The following JAK1 variants were observed in gnomAD, a reference collection of about 807,000 sequenced individuals.
JAK1 encodes the protein tyrosine-protein kinase JAK1.
In JAK1, 16 loss-of-function variants were observed where a neutral mutation model predicts 136.6. The observed-to-expected ratio is 0.12, with a 90% CI of 0.08 to 0.18. JAK1 has a LOEUF of 0.18. Among genes scored for constraint, JAK1 ranks in the 10% least tolerant of loss-of-function variants. JAK1 has a pLI of 1.00. For missense variants in JAK1, 859 were observed against 1,450.1 expected (o/e 0.59, Z 6.62); for synonymous variants, 492 against 519.5 (o/e 0.95, Z 0.72).
intron 2 of JAK1, among the ~76,000 whole-genome samples, chr1:64,988,016 C>T (rs1205528109): frequency 6.6e-6 from 1 of 152,090 alleles, no homozygotes; most frequent in Non-Finnish European, 1.5e-5. Flanking sequence ...TATTGTGTAC[C>T]TCATACTTTT....
At chr1:65,049,496 A>T (rs546178234) in intron 1 of JAK1, among the ~76,000 whole-genome samples, 1 of 152,232 alleles carries the variant, frequency 6.6e-6, no homozygotes, top group African/African-American at 2.4e-5. Flanking sequence ...TTCTTCACGA[A>T]CTTCAAAAGA....
intron 2 of JAK1, among the ~76,000 whole-genome samples, chr1:64,989,031 A>ATATATAT (rs1646630283): frequency 1.8e-5 from 2 of 109,430 alleles, no homozygotes; most frequent in Non-Finnish European, 4.4e-5. Context: ...TATATATATA[A>ATATATAT]AATACAGAGA....
chr1:64,958,759 A>C (rs1226494797), intron 1 of JAK1, among the ~76,000 whole-genome samples: 44 of 152,356 alleles, frequency 2.9e-4, no homozygotes, highest in Non-Finnish European at 1.0e-4. Flanking sequence ...CCTTACTACA[A>C]CCTGATCAAA....
At chr1:65,064,947 CA>C (rs1647975079) in intron 1 of JAK1, among the ~76,000 whole-genome samples, 2 of 152,238 alleles carry the variant, frequency 1.3e-5, no homozygotes, top group African/African-American at 4.8e-5. Flanking sequence ...TCTAGGTACC[CA>C]ACTCTAGAGG....
chr1:64,845,621 A>G lies in JAK1; in HGVS notation c.2007T>C (p.Phe669=). ...RDVENIMVEE[F]VEGGPLDLFM... ...AGAGATCCAGAGGACCCCCTTCCAC[A>G]AACTCTTCCACCATGATATCTGTAG... Residue 669 remains phenylalanine, a synonymous_variant, in exon 15 of 25, where the codon TTT becomes TTC. Coordinates refer to ENST00000342505, the MANE Select transcript of JAK1 (RefSeq NM_002227.4). 1 of 1,614,184 alleles carries G rather than the reference A, an allele frequency of 6.2e-7. No homozygotes were observed.
At chr1:64,957,575 C>T (rs1315345008) in intron 1 of JAK1, among the ~76,000 whole-genome samples, 2 of 152,210 alleles carry the variant, frequency 1.3e-5, no homozygotes, top group African/African-American at 4.8e-5. Flanking sequence ...CTTTGGGAGG[C>T]TGAGGCAGGC....
intron 2 of JAK1, among the ~76,000 whole-genome samples, chr1:65,012,316 T>C (rs1299024902): frequency 6.6e-6 from 1 of 151,846 alleles, no homozygotes; most frequent in East Asian, 1.9e-4. Context: ...TAAGCAAAGA[T>C]ACCAACAGAA....
intron 2 of JAK1, among the ~76,000 whole-genome samples, chr1:65,034,929 G>A (rs917674459): frequency 3.3e-5 from 5 of 152,114 alleles, no homozygotes; most frequent in East Asian, 1.9e-4. Context: ...GGCGGTGTGC[G>A]CCTGTAATCC....
intron 11 of JAK1, among the ~76,000 whole-genome samples, chr1:64,851,585 G>T (rs1051008860): frequency 3.9e-5 from 6 of 152,154 alleles, no homozygotes; most frequent in African/African-American, 1.4e-4. Context: ...GGTTTAAGTA[G>T]ACTATCCCCC....
Position 64,841,313 on chromosome 1 carries a change from G to GT in JAK1, c.2580dup (p.Pro861ThrfsTer4), listed in dbSNP as rs1654890259. Reference sequence around the variant, plus strand: ...TGTGTGGGGTCCACTTCAGTTGCTGGTTTTTTTTCTGAAACAATATCTGGA... The same window carrying GT: ...TGTGTGGGGTCCACTTCAGTTGCTGGTTTTTTTTTCTGAAACAATATCTGGA... On this transcript the variant is annotated frameshift_variant, in exon 19 of 25. Coordinates refer to ENST00000342505, the MANE Select transcript of JAK1 (RefSeq NM_002227.4). LOFTEE classifies it high-confidence loss of function. 4.3e-6 allele frequency: 7 copies of GT among 1,613,292 alleles called. No individual in the cohort carries two copies. The highest frequency in any genetic ancestry group is 2.2e-5 in the East Asian group (1 of 44,870).
intron 2 of JAK1, among the ~76,000 whole-genome samples, chr1:65,021,847 T>G (rs1646940413): frequency 6.6e-6 from 1 of 152,120 alleles, no homozygotes; most frequent in South Asian, 2.1e-4. Context: ...GAATTTGCAA[T>G]ATTTGCCTAA....
At chr1:64,916,483 T>C (rs12563230) in intron 1 of JAK1, among the ~76,000 whole-genome samples, 21,053 of 152,180 alleles carry the variant, frequency 0.14, 1,627 homozygotes, top group East Asian at 0.28. Flanking sequence ...TTAGCATTGA[T>C]AAGCTTTGCT....
intron 1 of JAK1, among the ~76,000 whole-genome samples, chr1:65,050,682 G>A (rs980007196): frequency 7.9e-5 from 12 of 152,174 alleles, no homozygotes; most frequent in African/African-American, 1.9e-4. Context: ...GAGTAGAGAA[G>A]GCATCAGAAA....
chr1:64,881,208 G>A (rs1398225161), intron 3 of JAK1, among the ~76,000 whole-genome samples: 1 of 151,516 alleles, frequency 6.6e-6, no homozygotes, highest in African/African-American at 2.4e-5. Context: ...GTTATAGTGA[G>A]CTATGATGGA....
chr1:64,985,853 A>T, intron 2 of JAK1: 1 of 617,880 alleles, frequency 1.6e-6, no homozygotes, highest in Admixed American at 2.6e-5. Flanking sequence ...CAAACAGTCC[A>T]ACAGAAAAGG....
intron 20 of JAK1, among the ~76,000 whole-genome samples, chr1:64,838,989 CA>C (rs55816616): frequency 0.15 from 22,518 of 150,052 alleles, 1,989 homozygotes; most frequent in East Asian, 0.38. Context: ...ACTAAAAATA[CA>C]AAAAAATTAG....
At chr1:65,050,348 G>C (rs483317) in intron 1 of JAK1, among the ~76,000 whole-genome samples, 13,850 of 152,256 alleles carry the variant, frequency 0.091, 1,004 homozygotes, top group East Asian at 0.32. Context: ...CATGAGATCA[G>C]ACCTAGGCAG....
chr1:64,973,667 C>T (rs1407050218), intron 2 of JAK1: 1 of 150,152 alleles, frequency 6.7e-6, no homozygotes, highest in Non-Finnish European at 1.5e-5. Context: ...AATGTTGAAC[C>T]TCTTACAACC....
At chr1:64,897,979 G>C (rs1645049292) in intron 1 of JAK1, among the ~76,000 whole-genome samples, 2 of 152,136 alleles carry the variant, frequency 1.3e-5, no homozygotes, top group African/African-American at 4.8e-5. Context: ...ATTTAACTGA[G>C]CAAACAGTTC....
Sources: allele counts gnomAD v4.1 joint callset (sites outside exome capture counted in the v4.1 genomes callset), GRCh38; gene constraint gnomAD v4.1.1; transcripts MANE v1.5; gene names NCBI Gene and HGNC (gene_info 2026-07-23, HGNC 2026-07-21).